SPATA16: variants seen among roughly 807,000 people sequenced by gnomAD.
The protein encoded by SPATA16 is spermatogenesis-associated protein 16.
Under a neutral mutation model 63.3 loss-of-function variants are expected in SPATA16, and 36 were observed. The ratio of observed to expected loss-of-function variants is 0.57; its 90% CI spans 0.44 to 0.75. The LOEUF is 0.75. SPATA16 is among the 30% of genes least tolerant of loss of function. SPATA16 has a pLI of 0.00. For missense variants in SPATA16, 646 were observed against 679.3 expected (o/e 0.95, Z 0.54); for synonymous variants, 203 against 216.7 (o/e 0.94, Z 0.56).
intron 4 of SPATA16, among the ~76,000 whole-genome samples, chr3:173,001,277 T>TG (rs1553790854): frequency 6.6e-6 from 1 of 151,696 alleles, no homozygotes; most frequent in Admixed American, 6.6e-5. Context: ...TGTTTTTTTT[T>TG]TTTTGTTTTC....
chr3:173,102,798 T>A (rs1737528019), intron 2 of SPATA16, among the ~76,000 whole-genome samples: 1 of 152,146 alleles, frequency 6.6e-6, no homozygotes, highest in South Asian at 2.1e-4. Context: ...TCCCTCAAAG[T>A]CTTAACTCAT....
At chr3:173,032,427 C>T in intron 3 of SPATA16, among the ~76,000 whole-genome samples, 1 of 151,980 alleles carries the variant, frequency 6.6e-6, no homozygotes, top group East Asian at 1.9e-4. Context: ...TCATCAGGAT[C>T]TATGTTTAAG....
chr3:173,030,044 G>A (rs1418976680), intron 3 of SPATA16, among the ~76,000 whole-genome samples: 2 of 149,158 alleles, frequency 1.3e-5, no homozygotes, highest in Non-Finnish European at 3.0e-5. Flanking sequence ...ATTGAAGACA[G>A]AGTGGTTACT....
intron 2 of SPATA16, among the ~76,000 whole-genome samples, chr3:173,085,304 C>G (rs76311671): frequency 0.039 from 5,969 of 152,032 alleles, 382 homozygotes; most frequent in African/African-American, 0.14. Flanking sequence ...CATGATTTGG[C>G]TCTCTGATTG....
At chr3:173,015,103 G>A (rs974435845) in intron 4 of SPATA16, among the ~76,000 whole-genome samples, 8 of 135,368 alleles carry the variant, frequency 5.9e-5, no homozygotes, top group African/African-American at 1.1e-4. Context: ...CACTCTCATC[G>A]CCCAGGCTGG....
chr3:172,907,451 T>G (rs1290922840), intron 10 of SPATA16, among the ~76,000 whole-genome samples: 1 of 152,196 alleles, frequency 6.6e-6, no homozygotes, highest in Non-Finnish European at 1.5e-5. Context: ...TTAGAGTGCT[T>G]CTTTGCAAAG....
intron 5 of SPATA16, among the ~76,000 whole-genome samples, chr3:172,966,654 G>A (rs1470221876): frequency 6.6e-6 from 1 of 152,164 alleles, no homozygotes; most frequent in Non-Finnish European, 1.5e-5. Context: ...GTACAGATAA[G>A]TAGGCAGTCT....
intron 8 of SPATA16, among the ~76,000 whole-genome samples, chr3:172,922,972 AAAAACT>A (rs1245802392): frequency 3.3e-5 from 5 of 152,090 alleles, no homozygotes; most frequent in Non-Finnish European, 7.4e-5. Flanking sequence ...CCAAAAAACT[AAAAACT>A]AAAAAACAAA....
chr3:172,958,538 T>A (rs1167833211), intron 5 of SPATA16, among the ~76,000 whole-genome samples: 2 of 152,188 alleles, frequency 1.3e-5, no homozygotes, highest in African/African-American at 4.8e-5. Context: ...AGTTCTAAGG[T>A]CATGGCTGAC....
intron 3 of SPATA16, among the ~76,000 whole-genome samples, chr3:173,028,007 CTCCCTCCCTTCCTTCT>C (rs1280162797): frequency 0.012 from 842 of 70,056 alleles, 42 homozygotes; most frequent in African/African-American, 0.058. Context: ...CCCTCCCTCC[CTCCCTCCCTTCCTTCT>C]TTCCTTCCTT....
intron 6 of SPATA16, among the ~76,000 whole-genome samples, chr3:172,927,212 A>T (rs1304785213): frequency 6.6e-6 from 1 of 152,164 alleles, no homozygotes; most frequent in Non-Finnish European, 1.5e-5. Context: ...CTCACTACTG[A>T]ACTCTGTTCT....
In SPATA16 at chr3:173,052,100, C is replaced by T. The variant is rs112907899; in HGVS notation, c.613-3006G>A. Among the ~76,000 whole-genome samples, 934 of 152,130 alleles carry T rather than the reference C, an allele frequency of 6.1e-3. 5 individuals carry two copies. Among genetic ancestry groups the T allele is most frequent in the African/African-American group, 0.021 (869 of 41,520 alleles). The stretch of plus-strand genomic sequence containing the variant: ...CGCTGGGATTACAGGCGTGAGCCAC[C>T]GTGGGATAATGTGGAAGTCATTATG... On this transcript the variant is annotated intron_variant, in intron 2 of 10. Coordinates refer to ENST00000351008, the MANE Select transcript of SPATA16 (RefSeq NM_031955.6).
At chr3:173,124,122 G>A (rs1045257705) in intron 1 of SPATA16, among the ~76,000 whole-genome samples, 2 of 152,140 alleles carry the variant, frequency 1.3e-5, no homozygotes, top group African/African-American at 2.4e-5. Flanking sequence ...GTACTTCGTC[G>A]TATCTCAAAC....
intron 3 of SPATA16, among the ~76,000 whole-genome samples, chr3:173,027,153 A>G (rs9881677): frequency 0.03 from 4,619 of 151,974 alleles, 253 homozygotes; most frequent in African/African-American, 0.11. Flanking sequence ...TATTCCAAAC[A>G]TTTGATATTT....
intron 6 of SPATA16, among the ~76,000 whole-genome samples, chr3:172,942,606 C>T (rs1733182100): frequency 1.3e-5 from 2 of 152,034 alleles, no homozygotes; most frequent in South Asian, 2.1e-4. Flanking sequence ...ACTTTAACAT[C>T]TTTTGTTTCC....
rs571621064 is a variant in SPATA16 at position 173,078,494 on chromosome 3, A to G, written c.613-29400T>C. On this transcript the variant is annotated intron_variant, in intron 2 of 10. Transcript: ENST00000351008. Reference sequence around the variant, plus strand: ...GTTGGTTAAATATAGTCAAAGACTGAACTGAATTGATTGAACATGCATTGA... The same window carrying G: ...GTTGGTTAAATATAGTCAAAGACTGGACTGAATTGATTGAACATGCATTGA... Among the ~76,000 whole-genome samples, 3 of 152,322 alleles carry G rather than the reference A, an allele frequency of 2.0e-5. No individual in the cohort carries two copies. The South Asian group carries it at 6.2e-4, about 32-fold the overall frequency.
At chr3:173,087,179 A>G (rs916333451) in intron 2 of SPATA16, among the ~76,000 whole-genome samples, 10 of 152,154 alleles carry the variant, frequency 6.6e-5, no homozygotes, top group African/African-American at 2.4e-4. Context: ...GTAGGTCTCT[A>G]AGAACTTGCT....
intron 2 of SPATA16, among the ~76,000 whole-genome samples, chr3:173,115,064 A>G (rs1045187067): frequency 1.3e-5 from 2 of 152,158 alleles, no homozygotes; most frequent in Non-Finnish European, 2.9e-5. Context: ...ACCCTGGGAG[A>G]GAGAAGGAGA....
intron 2 of SPATA16, among the ~76,000 whole-genome samples, chr3:173,095,121 G>A (rs891642091): frequency 5.3e-5 from 8 of 152,122 alleles, no homozygotes; most frequent in African/African-American, 1.9e-4. Flanking sequence ...TCTTTATCAA[G>A]TTATCTGGCT....
Sources: gnomAD v4.1 joint callset for allele counts (sites outside exome capture counted in the v4.1 genomes callset) on GRCh38, gnomAD v4.1.1 for gene constraint, MANE v1.5 for transcripts, NCBI Gene and HGNC (gene_info 2026-07-23, HGNC 2026-07-21) for gene names.